The following CACNA1C variants were observed in gnomAD, a reference collection of about 807,000 sequenced individuals.
The protein encoded by CACNA1C is calcium voltage-gated channel subunit alpha1 C.
In CACNA1C, 30 loss-of-function variants were observed where a neutral mutation model predicts 229.0. That is an observed-to-expected ratio of 0.13 (90% CI 0.10 to 0.18). CACNA1C has a LOEUF of 0.18. CACNA1C is among the 10% of genes least tolerant of loss of function. The pLI, the probability that CACNA1C is intolerant of heterozygous loss-of-function variation, is 1.00. For synonymous variants in CACNA1C, 1,114 were observed against 1,132.5 expected (o/e 0.98, Z 0.33); for missense variants, 1,658 against 2,845.0 (o/e 0.58, Z 9.49).
chr12:2,280,928 G>T (rs1015398895), intron 3 of CACNA1C, among the ~76,000 whole-genome samples: 1 of 152,022 alleles, frequency 6.6e-6, no homozygotes, highest in Non-Finnish European at 1.5e-5. Flanking sequence ...CCATTGTTTT[G>T]TTATTTTAAC....
chr12:2,181,034 A>C lies in CACNA1C; in HGVS notation c.477+60604A>C, dbSNP rs552218140. 2.6e-4 allele frequency among the ~76,000 whole-genome samples: 39 copies of C among 152,206 alleles called. No individual in the cohort carries two copies. The highest frequency in any genetic ancestry group is 7.2e-4 in the African/African-American group (30 of 41,536). ...ACCCTCAAATCTGCACTCCCCTATTACGTGTTTGGGCAACTGAGTTTTGGA... is the reference window on the plus strand; with the variant it reads ...ACCCTCAAATCTGCACTCCCCTATTCCGTGTTTGGGCAACTGAGTTTTGGA... On this transcript the variant is annotated intron_variant, in intron 3 of 46. Transcript: ENST00000399655. This position sits in a 1 kb window ranked among gnomAD's most constrained non-coding sequence, Gnocchi z 4.0.
intron 1 of CACNA1C, among the ~76,000 whole-genome samples, chr12:2,046,118 C>T (rs2050998408): frequency 6.6e-6 from 1 of 152,124 alleles, no homozygotes; most frequent in Admixed American, 6.5e-5. Context: ...CAACTTCTGG[C>T]CTCAAAACTG....
At position 2,263,942 on chromosome 12, in the gene CACNA1C, A is replaced by G. The variant is rs528330188; in HGVS notation, c.477+143512A>G. Among the ~76,000 whole-genome samples, 8 of 152,306 alleles carry G rather than the reference A, an allele frequency of 5.3e-5. No homozygotes were observed. In the South Asian group the frequency reaches 1.5e-3, roughly 28 times the overall value. ...GAAAGAGGGAAACAGCAGCAGTAGC[A>G]CTTGTTCAGCCAAGTCCTGCCTCGG... On this transcript the variant is annotated intron_variant, in intron 3 of 46. Transcript: ENST00000399655.
intron 3 of CACNA1C, among the ~76,000 whole-genome samples, chr12:2,237,362 A>G (rs1171216974): frequency 6.6e-6 from 1 of 152,236 alleles, no homozygotes; most frequent in Non-Finnish European, 1.5e-5. Flanking sequence ...TGCATTCTGT[A>G]TCTCTCCACT....
chr12:2,263,156 C>T (rs2080995958), intron 3 of CACNA1C, among the ~76,000 whole-genome samples: 1 of 151,992 alleles, frequency 6.6e-6, no homozygotes, highest in Non-Finnish European at 1.5e-5. Flanking sequence ...GAGGTAAGTG[C>T]TGTGGATCTG....
At chr12:2,244,804 A>G (rs920731210) in intron 3 of CACNA1C, among the ~76,000 whole-genome samples, 1 of 152,250 alleles carries the variant, frequency 6.6e-6, no homozygotes, top group Non-Finnish European at 1.5e-5. Flanking sequence ...ATCAAGTTTA[A>G]TGTTAATAAA....
At chr12:2,174,361 A>T (rs977274125) in intron 3 of CACNA1C, among the ~76,000 whole-genome samples, 18 of 152,202 alleles carry the variant, frequency 1.2e-4, no homozygotes, top group Non-Finnish European at 1.9e-4. Context: ...GGTGCTCAGA[A>T]CTATTCTAGG....
chr12:2,606,947 G>A, intron 25 of CACNA1C, 37 bp from the exon 26 acceptor site: 1 of 1,607,028 alleles, frequency 6.2e-7, no homozygotes, highest in Non-Finnish European at 8.5e-7. Context: ...AGGAAGATGG[G>A]AGATCCCAGA....
intron 3 of CACNA1C, among the ~76,000 whole-genome samples, chr12:2,368,529 T>A (rs1469152338): frequency 6.6e-6 from 1 of 152,184 alleles, no homozygotes; most frequent in African/African-American, 2.4e-5. Flanking sequence ...TTTACAACAA[T>A]TACAAAACTT....
intron 3 of CACNA1C, among the ~76,000 whole-genome samples, chr12:2,404,933 C>T (rs2098719521): frequency 6.6e-6 from 1 of 152,178 alleles, no homozygotes; most frequent in African/African-American, 2.4e-5. Flanking sequence ...TTGCCTGGAG[C>T]AGTGCACAGG....
intron 3 of CACNA1C, among the ~76,000 whole-genome samples, chr12:2,154,045 C>T (rs2154220114): frequency 6.6e-6 from 1 of 152,286 alleles, no homozygotes; most frequent in East Asian, 1.9e-4. Flanking sequence ...TCCCCTTCTC[C>T]CCAGTGACAT....
intron 24 of CACNA1C, 103 bp from the exon 25 acceptor site, chr12:2,606,508 C>A: frequency 1.1e-6 from 1 of 950,258 alleles, no homozygotes; most frequent in Non-Finnish European, 1.7e-6. Context: ...TTTTATCCCA[C>A]TGTCCCTAGC....
At chr12:2,124,539 C>G (rs568166297) in intron 3 of CACNA1C, among the ~76,000 whole-genome samples, 1 of 152,120 alleles carries the variant, frequency 6.6e-6, no homozygotes, top group South Asian at 2.1e-4. Flanking sequence ...GAGGAGGAGG[C>G]TCGAAGGCTT....
At position 2,653,957 on chromosome 12, in the gene CACNA1C, C is replaced by T. The variant is rs1270377890; in HGVS notation, c.4140+57C>T. 2.9e-6 allele frequency: 4 copies of T among 1,394,732 alleles called. No homozygotes were observed. The highest frequency in any genetic ancestry group is 4.1e-6 in the Non-Finnish European group (4 of 983,454). The allele number at this position is 1,394,732 out of a possible 1,614,324, so 86.4% of individuals were successfully genotyped here. The stretch of plus-strand genomic sequence containing the variant: ...CTCCCGCTCTGTCTCTCCCCAGTTC[C>T]CAGCACCACATTCCCTAACGCCTTC... On this transcript the variant is annotated intron_variant, in intron 33 of 46. Coordinates refer to ENST00000399655, the MANE Select transcript of CACNA1C (RefSeq NM_000719.7). This position sits in a 1 kb window ranked among gnomAD's most constrained non-coding sequence, Gnocchi z 4.7.
chr12:2,591,463 G>C (rs548655986), intron 18 of CACNA1C, among the ~76,000 whole-genome samples: 1 of 152,306 alleles, frequency 6.6e-6, no homozygotes, highest in South Asian at 2.1e-4. Flanking sequence ...AGCACATAGG[G>C]AGAAGGGACA....
Position 2,486,560 on chromosome 12 carries a change from C to T in CACNA1C, c.916+298C>T, listed in dbSNP as rs914477183. On this transcript the variant is annotated intron_variant, in intron 6 of 46. Transcript: ENST00000399655. The surrounding 1 kb of genome is among the most constrained non-coding windows in gnomAD (Gnocchi z 4.9). ...TTAGAACCTATCTTTTGTCAATCTA[C>T]GACTTTTCAAGCCAACCCTGAGTAT... Among the ~76,000 whole-genome samples the T allele has an allele frequency of 1.3e-5, 2 of 152,194 alleles. No homozygotes were observed. The highest frequency in any genetic ancestry group is 2.1e-4 in the South Asian group (1 of 4,828).
intron 3 of CACNA1C, among the ~76,000 whole-genome samples, chr12:2,368,979 G>A (rs1221438699): frequency 6.6e-6 from 1 of 152,132 alleles, no homozygotes; most frequent in Non-Finnish European, 1.5e-5. Context: ...AAACAACCAG[G>A]AAACAGCCTC....
intron 46 of CACNA1C, 102 bp downstream of exon 46, chr12:2,688,881 G>C: frequency 5.2e-6 from 5 of 968,062 alleles, no homozygotes; most frequent in Non-Finnish European, 7.4e-6. Context: ...CAAATTCATT[G>C]CAGTCAATAT....
intron 29 of CACNA1C, among the ~76,000 whole-genome samples, chr12:2,621,469 A>G (rs1375451680): frequency 6.6e-6 from 1 of 152,210 alleles, no homozygotes; most frequent in African/African-American, 2.4e-5. Context: ...GCCCTTCAGG[A>G]TCACGGTGAG....
Sources: allele counts gnomAD v4.1 joint callset (sites outside exome capture counted in the v4.1 genomes callset), GRCh38; gene constraint gnomAD v4.1.1; non-coding constraint Gnocchi (gnomAD v3.1); transcripts MANE v1.5; gene names NCBI Gene and HGNC (gene_info 2026-07-23, HGNC 2026-07-21).